ZNF578: variants seen among roughly 807,000 people sequenced by gnomAD.
The protein encoded by ZNF578 is Putative chemokine-related protein B42.
In ZNF578, 8 loss-of-function variants were observed where a neutral mutation model predicts 8.3. The ratio of observed to expected loss-of-function variants is 0.96; its 90% CI spans 0.56 to 1.74. ZNF578 has a LOEUF of 1.74. ZNF578 is among the 40% of genes most tolerant of loss of function. ZNF578 has a pLI of 0.00. For synonymous variants in ZNF578, 206 were observed against 232.2 expected (o/e 0.89, Z 1.03); for missense variants, 726 against 707.5 (o/e 1.03, Z -0.30).
At chr19:52,487,952 C>G (rs930902846) in intron 2 of ZNF578, among the ~76,000 whole-genome samples, 2 of 24,538 alleles carry the variant, frequency 8.2e-5, no homozygotes, top group East Asian at 8.3e-4. Context: ...CCTACATAGC[C>G]CCCCCCCCTT....
At chr19:52,504,497 G>C (rs2059418437) in intron 4 of ZNF578, among the ~76,000 whole-genome samples, 158 bp from the exon 5 acceptor site, 1 of 152,094 alleles carries the variant, frequency 6.6e-6, no homozygotes, top group African/African-American at 2.4e-5. Flanking sequence ...ACAATAAAAT[G>C]CAACTATTGA....
chr19:52,470,979 A>G (rs2059289968), intron 2 of ZNF578, among the ~76,000 whole-genome samples: 1 of 152,146 alleles, frequency 6.6e-6, no homozygotes, highest in Admixed American at 6.5e-5. Flanking sequence ...TACCATTGCA[A>G]TAGTGAGTTC....
intron 2 of ZNF578, among the ~76,000 whole-genome samples, chr19:52,476,462 A>G (rs953015448): frequency 4.6e-5 from 7 of 152,200 alleles, no homozygotes; most frequent in African/African-American, 1.7e-4. Context: ...CCCATCAGAA[A>G]TCCTGATGTC....
At chr19:52,500,758 T>G (rs1225965557) in intron 3 of ZNF578, among the ~76,000 whole-genome samples, 1 of 152,046 alleles carries the variant, frequency 6.6e-6, no homozygotes, top group Non-Finnish European at 1.5e-5. Context: ...AGGGGTGACT[T>G]TGAATAGAAG....
chr19:52,506,178 C>T (rs1033632694), intron 5 of ZNF578, among the ~76,000 whole-genome samples: 1 of 152,184 alleles, frequency 6.6e-6, no homozygotes, highest in Non-Finnish European at 1.5e-5. Context: ...GGATTACAGT[C>T]ATGAGCCACC....
At chr19:52,490,901 T>C (rs1021279941) in intron 2 of ZNF578, among the ~76,000 whole-genome samples, 1 of 152,218 alleles carries the variant, frequency 6.6e-6, no homozygotes, top group Non-Finnish European at 1.5e-5. Flanking sequence ...TTCTTGTGGA[T>C]TATTTACCAA....
intron 2 of ZNF578, among the ~76,000 whole-genome samples, chr19:52,483,560 T>C (rs1365706227): frequency 1.3e-5 from 2 of 152,258 alleles, no homozygotes; most frequent in Non-Finnish European, 2.9e-5. Flanking sequence ...TTTTGGCCAA[T>C]ATAAACATTC....
chr19:52,489,280 T>C (rs1184921207), intron 2 of ZNF578, among the ~76,000 whole-genome samples: 2 of 152,076 alleles, frequency 1.3e-5, no homozygotes, highest in African/African-American at 4.8e-5. Context: ...ATCAACTCTT[T>C]GTCTCCCTTT....
chr19:52,478,738 G>A (rs2059315795), intron 2 of ZNF578, among the ~76,000 whole-genome samples: 1 of 151,814 alleles, frequency 6.6e-6, no homozygotes, highest in Non-Finnish European at 1.5e-5. Flanking sequence ...TTTTGAGACG[G>A]AGTCTTGCTC....
chr19:52,489,018 C>T lies in ZNF578; in HGVS notation c.-121-2306C>T, dbSNP rs182687333. On this transcript the variant is annotated intron_variant, in intron 2 of 5. Coordinates refer to ENST00000421239, the MANE Select transcript of ZNF578 (RefSeq NM_001099694.2). ...GCTGAGGCAGGAGAATTACTTGGAC[C>T]CGGCTGGAAGGCAGAGGTTGCAGTG... 3.0e-3 allele frequency among the ~76,000 whole-genome samples: 457 copies of T among 151,774 alleles called. 4 individuals are homozygous for T. The highest frequency in any genetic ancestry group is 6.7e-3 in the South Asian group (32 of 4,786).
At chr19:52,484,187 C>A (rs2059336816) in intron 2 of ZNF578, among the ~76,000 whole-genome samples, 1 of 152,206 alleles carries the variant, frequency 6.6e-6, no homozygotes, top group Non-Finnish European at 1.5e-5. Flanking sequence ...ATAAACACCT[C>A]AATGCCTTAA....
intron 2 of ZNF578, among the ~76,000 whole-genome samples, chr19:52,487,958 C>CCG (rs2079391179): frequency 6.7e-6 from 1 of 150,148 alleles, no homozygotes. Flanking sequence ...TAGCCCCCCC[C>CCG]CCTTTTTTTT....
intron 3 of ZNF578, chr19:52,492,949 T>G (rs1349837604): frequency 6.6e-6 from 1 of 152,266 alleles, no homozygotes; most frequent in African/African-American, 2.4e-5. Context: ...CCCACGGACC[T>G]GGAAATTCTC....
At chr19:52,482,582 G>A (rs1318658247) in intron 2 of ZNF578, among the ~76,000 whole-genome samples, 2 of 151,804 alleles carry the variant, frequency 1.3e-5, no homozygotes, top group Admixed American at 1.3e-4. Flanking sequence ...AGGTTGCAGT[G>A]AGCCAAGGTT....
intron 5 of ZNF578, among the ~76,000 whole-genome samples, chr19:52,507,682 G>C (rs963714067): frequency 5.9e-5 from 9 of 152,226 alleles, no homozygotes; most frequent in African/African-American, 2.2e-4. Flanking sequence ...GTTTAGCCCA[G>C]CCGTCTTCCT....
chr19:52,506,853 G>T (rs902401952), intron 5 of ZNF578, among the ~76,000 whole-genome samples: 1 of 152,184 alleles, frequency 6.6e-6, no homozygotes. Flanking sequence ...AGTTTTACAG[G>T]ACAGACTCTA....
intron 5 of ZNF578, among the ~76,000 whole-genome samples, chr19:52,507,835 A>C (rs1168014185): frequency 1.3e-5 from 2 of 151,308 alleles, no homozygotes; most frequent in African/African-American, 2.4e-5. Flanking sequence ...AAATCACATG[A>C]GGTCGGGAGT....
rs57989857 is a variant in ZNF578 at position 52,480,900 on chromosome 19, GATAATAATAATAATAATA to G, written c.-121-10394_-121-10377del. Among the ~76,000 whole-genome samples the G allele has an allele frequency of 3.9e-3, 547 of 139,330 alleles. 6 individuals are homozygous for G. Among genetic ancestry groups the G allele is most frequent in the South Asian group, 0.011 (48 of 4,250 alleles). The allele number at this position is 139,330 out of a possible 152,430, so 91.4% of individuals were successfully genotyped here. Reference sequence around the variant, plus strand: ...GACAGAGTGAGACTCCATCTCAAAAGATAATAATAATAATAATAATAATAATAATAATAATAATAATAA... The same window carrying G: ...GACAGAGTGAGACTCCATCTCAAAAGATAATAATAATAATAATAATAATAA... On this transcript the variant is annotated intron_variant, in intron 2 of 5. Transcript: ENST00000421239.
chr19:52,489,553 A>T (rs796847727), intron 2 of ZNF578, among the ~76,000 whole-genome samples: 7 of 151,838 alleles, frequency 4.6e-5, no homozygotes, highest in African/African-American at 1.7e-4. Context: ...ACGCCATTGC[A>T]CTCCAGCCTG....
Sources: allele counts gnomAD v4.1 joint callset (sites outside exome capture counted in the v4.1 genomes callset), GRCh38; gene constraint gnomAD v4.1.1; transcripts MANE v1.5; gene names NCBI Gene and HGNC (gene_info 2026-07-23, HGNC 2026-07-21).